The following VTI1A variants were observed in gnomAD, a reference collection of about 807,000 sequenced individuals.
The protein encoded by VTI1A is vesicle transport through interaction with t-SNAREs 1A.
VTI1A carries 22 observed loss-of-function variants against 34.9 expected under a neutral mutation model. The observed-to-expected ratio is 0.63, with a 90% CI of 0.45 to 0.90. The LOEUF (loss-of-function observed/expected upper bound fraction) is 0.90. Ranked by LOEUF, VTI1A falls within the 40% of genes least tolerant of loss-of-function variation. The pLI is 0.00. For synonymous variants in VTI1A, 87 were observed against 97.3 expected (o/e 0.89, Z 0.62); for missense variants, 268 against 275.6 (o/e 0.97, Z 0.20).
At chr10:112,465,563 T>C (rs935864396) in intron 3 of VTI1A, among the ~76,000 whole-genome samples, 1 of 152,222 alleles carries the variant, frequency 6.6e-6, no homozygotes, top group Non-Finnish European at 1.5e-5. Flanking sequence ...ATGCAACAAC[T>C]TGAATGAACC....
chr10:112,652,760 A>G (rs1847086729), intron 5 of VTI1A, among the ~76,000 whole-genome samples: 2 of 148,228 alleles, frequency 1.3e-5, no homozygotes, highest in East Asian at 2.0e-4. Flanking sequence ...GAAGGAAGGG[A>G]GGAAGGGAAA....
intron 7 of VTI1A, among the ~76,000 whole-genome samples, chr10:112,719,057 C>T (rs1849704771): frequency 6.6e-6 from 1 of 152,172 alleles, no homozygotes; most frequent in Non-Finnish European, 1.5e-5. Flanking sequence ...GGAGCTGCTG[C>T]TTCTGAAATT....
chr10:112,830,849 A>ATATATATATATATATATATATTTTTTTT, the VTI1A span, among the ~76,000 whole-genome samples: 6 of 33,494 alleles, frequency 1.8e-4, no homozygotes, highest in African/African-American at 2.9e-4. Context: ...ATATATATAT[A>ATATATATATATATATATATATTTTTTTT]TTTTTTTTTT....
chr10:112,500,910 A>C (rs1221625351), intron 3 of VTI1A, among the ~76,000 whole-genome samples: 1 of 152,188 alleles, frequency 6.6e-6, no homozygotes, highest in Non-Finnish European at 1.5e-5. Context: ...TCTGCTTGAC[A>C]AACTACTTAG....
intron 5 of VTI1A, among the ~76,000 whole-genome samples, chr10:112,583,388 G>T (rs947025728): frequency 2.0e-5 from 3 of 152,114 alleles, no homozygotes; most frequent in African/African-American, 7.2e-5. Context: ...GTGTATATCC[G>T]CTTTATCAGG....
chr10:112,745,170 C>CT (rs1426374296), intron 7 of VTI1A, among the ~76,000 whole-genome samples: 1 of 151,370 alleles, frequency 6.6e-6, no homozygotes, highest in Non-Finnish European at 1.5e-5. Flanking sequence ...TATTTTATGA[C>CT]TTTTTGTGGA....
At chr10:112,598,710 A>G (rs936384696) in intron 5 of VTI1A, among the ~76,000 whole-genome samples, 17 of 152,222 alleles carry the variant, frequency 1.1e-4, no homozygotes, top group African/African-American at 4.1e-4. Flanking sequence ...TTTAAAGCTG[A>G]TTTTGCATTA....
chr10:112,613,450 C>G (rs768323138), intron 5 of VTI1A, among the ~76,000 whole-genome samples: 2 of 152,098 alleles, frequency 1.3e-5, no homozygotes, highest in Non-Finnish European at 2.9e-5. Context: ...CACTGAGGTA[C>G]TTCCTATGCT....
At chr10:112,558,606 C>G (rs1294708890) in intron 5 of VTI1A, among the ~76,000 whole-genome samples, 1 of 152,340 alleles carries the variant, frequency 6.6e-6, no homozygotes, top group East Asian at 1.9e-4. Flanking sequence ...AGCCTGAGAC[C>G]TGGCCTGTGC....
chr10:112,836,557 C>G, the VTI1A span, among the ~76,000 whole-genome samples: 1 of 152,226 alleles, frequency 6.6e-6, no homozygotes, highest in South Asian at 2.1e-4. Flanking sequence ...TCCGTTTTCT[C>G]TTGTAACTGC....
chr10:112,706,799 C>G (rs753497896), intron 7 of VTI1A, among the ~76,000 whole-genome samples: 13 of 152,198 alleles, frequency 8.5e-5, no homozygotes, highest in Non-Finnish European at 1.0e-4. Context: ...TCACCCCTCC[C>G]TGTCACGCAA....
intron 5 of VTI1A, among the ~76,000 whole-genome samples, chr10:112,551,069 C>T (rs1322810457): frequency 2.0e-5 from 3 of 151,958 alleles, no homozygotes; most frequent in Non-Finnish European, 4.4e-5. Flanking sequence ...CTGTGAAACC[C>T]CGTCTCTACT....
chr10:112,676,047 G>C (rs1008774271), intron 7 of VTI1A, among the ~76,000 whole-genome samples: 2 of 152,088 alleles, frequency 1.3e-5, no homozygotes, highest in Non-Finnish European at 2.9e-5. Context: ...TATCATTATC[G>C]TCATCGGTTT....
chr10:112,818,329 A>T lies in VTI1A; in HGVS notation c.*2946A>T, dbSNP rs969072199. ...GCCTGTTCCAAAAACCTCATCAGAT[A>T]ATGACCTCAGTGATTGGGTTTTCAT... On this transcript the variant is annotated 3_prime_UTR_variant, in exon 8 of 8. Transcript: ENST00000393077. 6.0e-5 allele frequency: 14 copies of T among 232,856 alleles called. No homozygotes were observed. The highest frequency in any genetic ancestry group is 1.0e-4 in the Non-Finnish European group (12 of 117,732). 14.4% of individuals were successfully genotyped at this position (232,856 alleles called of 1,614,324 possible).
chr10:112,542,946 C>T (rs529253165), intron 5 of VTI1A, among the ~76,000 whole-genome samples: 38 of 152,074 alleles, frequency 2.5e-4, no homozygotes, highest in Non-Finnish European at 3.8e-4. Context: ...TGTGTCCTTG[C>T]GATAGTTTGC....
chr10:112,533,839 C>G (rs776365432), intron 4 of VTI1A, among the ~76,000 whole-genome samples: 5 of 152,008 alleles, frequency 3.3e-5, no homozygotes, highest in Admixed American at 6.6e-5. Context: ...TCTTAAAACT[C>G]TACCTGAGTG....
At chr10:112,668,361 A>G in intron 6 of VTI1A, 73 bp downstream of exon 6, 1 of 1,474,410 alleles carries the variant, frequency 6.8e-7, no homozygotes, top group Non-Finnish European at 9.4e-7. Flanking sequence ...TGGGACATAA[A>G]CAATAGCAAT....
chr10:112,609,368 C>CT (rs1170786160), intron 5 of VTI1A, among the ~76,000 whole-genome samples: 1 of 152,122 alleles, frequency 6.6e-6, no homozygotes, highest in Non-Finnish European at 1.5e-5. Context: ...TGAAAAACTT[C>CT]TTTTGGGTAG....
intron 5 of VTI1A, among the ~76,000 whole-genome samples, chr10:112,630,160 AGTT>A (rs1311866356): frequency 1.3e-5 from 2 of 152,204 alleles, no homozygotes; most frequent in African/African-American, 2.4e-5. Flanking sequence ...TTTCTAGAGA[AGTT>A]GTTATTTTGT....
Sources: allele counts gnomAD v4.1 joint callset (sites outside exome capture counted in the v4.1 genomes callset), GRCh38; gene constraint gnomAD v4.1.1; transcripts MANE v1.5; gene names NCBI Gene and HGNC (gene_info 2026-07-23, HGNC 2026-07-21).